The following KCTD14 variants were observed in gnomAD, a reference collection of about 807,000 sequenced individuals.
The protein encoded by KCTD14 is potassium channel tetramerization domain containing 14, also known as BTB/POZ domain-containing protein KCTD14.
A neutral mutation model predicts 5.9 loss-of-function variants in KCTD14; 7 were observed. The ratio of observed to expected loss-of-function variants is 1.19; its 90% confidence interval spans 0.68 to 2.23. The LOEUF is 2.23. KCTD14 is among the 30% of genes most tolerant of loss of function. The probability of loss-of-function intolerance (pLI) is 0.00; values close to 1 mark genes in which losing one functional copy is unlikely to be tolerated. For missense variants in KCTD14, 342 were observed against 332.2 expected (o/e 1.03, Z -0.23); for synonymous variants, 140 against 133.1 (o/e 1.05, Z -0.36).
At chr11:78,017,365 G>T (rs1591173383) in intron 1 of KCTD14, 95 bp from the exon 2 acceptor site, 1 of 1,439,204 alleles carries the variant, frequency 6.9e-7, no homozygotes, top group East Asian at 2.4e-5. Context: ...AAAACTTAGG[G>T]GAGCCATAAT....
chr11:78,023,964 AC>A (rs138972015), upstream of KCTD14, among the ~76,000 whole-genome samples: 2,448 of 152,230 alleles, frequency 0.016, 57 homozygotes, highest in African/African-American at 0.055. Flanking sequence ...GATCAACAAA[AC>A]TTTTTTAAGA....
At chr11:78,036,911 T>C (rs1857818293) in intron 2 of KCTD14, among the ~76,000 whole-genome samples, 1 of 152,224 alleles carries the variant, frequency 6.6e-6, no homozygotes, top group East Asian at 1.9e-4. Context: ...CATGTATTAA[T>C]TGCCTGCCCA....
intron 1 of KCTD14, among the ~76,000 whole-genome samples, chr11:78,020,758 G>A (rs1857284898): frequency 6.6e-6 from 1 of 152,206 alleles, no homozygotes; most frequent in Non-Finnish European, 1.5e-5. Flanking sequence ...GAGCTGAGAT[G>A]ATACCTGTAT....
At chr11:78,045,276 T>C (rs958212812) in intron 1 of KCTD14, among the ~76,000 whole-genome samples, 1 of 152,204 alleles carries the variant, frequency 6.6e-6, no homozygotes, top group African/African-American at 2.4e-5. Context: ...CTAATTTTTT[T>C]GTATTTTTTG....
rs376113147 is a variant in KCTD14, at chr11:78,017,143, G to A, written c.218C>T (p.Ala73Val). 63 of 1,614,126 alleles carry A rather than the reference G, an allele frequency of 3.9e-5. No homozygotes were observed. In the South Asian group the frequency reaches 4.2e-4, roughly 11 times the overall value. The change falls in exon 2 of 2, where the codon GCG becomes GTG. Residue 73 changes from alanine to valine, a missense_variant. By Grantham distance (64) the Ala-to-Val change is moderately conservative. Transcript: ENST00000353172. ...FSSLAKASTD[A>V]EGRFFIDRPS... The stretch of plus-strand genomic sequence containing the variant: ...GCGGTCGATGAAGAAGCGGCCCTCC[G>A]CGTCCGTGGAGGCCTTGGCTAAGCT...
chr11:78,022,898 A>C (rs1253050556), intron 1 of KCTD14: 3 of 471,586 alleles, frequency 6.4e-6, no homozygotes, highest in Non-Finnish European at 1.1e-5. Flanking sequence ...ATGTAGAGGG[A>C]GGAAGCAAAA....
Position 78,034,749 on chromosome 11 carries a change from G to A in KCTD14, c.-1+3915C>T, listed in dbSNP as rs192965316. Among the ~76,000 whole-genome samples the A allele has an allele frequency of 2.0e-4, 31 of 152,158 alleles. No individual in the cohort carries two copies. The East Asian group carries it at 5.8e-3, about 29-fold the overall frequency. On this transcript the variant is annotated intron_variant, in intron 2 of 2. Transcript: ENST00000533144. ...CCAAACAGACTATAGCCAAGCAGGG[G>A]ACCCTGCTCACCGCGGCCTCAGTGA...
chr11:78,043,236 A>G (rs960456629), intron 1 of KCTD14, among the ~76,000 whole-genome samples: 1 of 151,944 alleles, frequency 6.6e-6, no homozygotes, highest in African/African-American at 2.4e-5. Flanking sequence ...CATGTGTACT[A>G]TGTAGTAAGA....
At chr11:78,033,916 C>CATATATAT in intron 2 of KCTD14, among the ~76,000 whole-genome samples, 1 of 134,112 alleles carries the variant, frequency 7.5e-6, no homozygotes, top group South Asian at 2.4e-4. Flanking sequence ...TATATATATA[C>CATATATAT]ACACATTATA....
At chr11:78,023,588 C>T (rs949982121), upstream of KCTD14, 1 of 253,726 alleles carries the variant, frequency 3.9e-6, no homozygotes, top group Non-Finnish European at 7.6e-6. Flanking sequence ...ATCAGGCTCA[C>T]TGCAACCTCA....
chr11:78,038,337 C>T (rs761765735), intron 2 of KCTD14, among the ~76,000 whole-genome samples: 13 of 152,180 alleles, frequency 8.5e-5, no homozygotes, highest in Non-Finnish European at 1.6e-4. Context: ...CTATTCTTAC[C>T]CCAAACCTCT....
chr11:78,017,302 C>A, intron 1 of KCTD14, 32 bp from the exon 2 acceptor site: 1 of 1,548,438 alleles, frequency 6.5e-7, no homozygotes, highest in South Asian at 1.2e-5. Flanking sequence ...TAAACCAACA[C>A]GCCATCTCCC....
At chr11:78,023,536 A>C, upstream of KCTD14, 1 of 395,618 alleles carries the variant, frequency 2.5e-6, no homozygotes, top group Non-Finnish European at 4.6e-6. Flanking sequence ...TTTTTCAGAG[A>C]CAGGGTCTCA....
intron 1 of KCTD14, among the ~76,000 whole-genome samples, chr11:78,043,441 C>G (rs1226886462): frequency 6.6e-6 from 1 of 152,150 alleles, no homozygotes; most frequent in Non-Finnish European, 1.5e-5. Flanking sequence ...CTGCACCCAG[C>G]CTGTGTGTGC....
Position 78,017,235 on chromosome 11 carries a change from C to T in KCTD14, c.126G>A (p.Glu42=). ...STVVELNVGG[E]FHTTTLGTLR... ...GGGTACCCAGGGTGGTGGTGTGGAA[C>T]TCACCCCCGACGTTCAGCTCCACAA... is the stretch of plus-strand genomic sequence containing the variant. Residue 42 remains glutamate, a synonymous_variant, in exon 2 of 2, where the codon GAG becomes GAA. Coordinates refer to ENST00000353172, the MANE Select transcript of KCTD14 (RefSeq NM_023930.4). 2 of 1,607,256 alleles carry T rather than the reference C, an allele frequency of 1.2e-6. No homozygotes were observed. The highest frequency in any genetic ancestry group is 8.5e-7 in the Non-Finnish European group (1 of 1,174,644).
intron 1 of KCTD14, among the ~76,000 whole-genome samples, chr11:78,018,524 T>C (rs1857230639): frequency 6.6e-6 from 1 of 152,028 alleles, no homozygotes; most frequent in Admixed American, 6.6e-5. Flanking sequence ...CTGGCCAACA[T>C]GGTGAAACCC....
chr11:78,025,112 GTGTGTGTATATATA>G (rs1201574114), upstream of KCTD14, among the ~76,000 whole-genome samples: 92 of 68,628 alleles, frequency 1.3e-3, no homozygotes, highest in African/African-American at 4.9e-3. Flanking sequence ...GTGTGTGTGT[GTGTGTGTATATATA>G]TATATATATA....
chr11:78,044,747 A>C (rs1858088014), intron 1 of KCTD14, among the ~76,000 whole-genome samples: 1 of 152,136 alleles, frequency 6.6e-6, no homozygotes, highest in Non-Finnish European at 1.5e-5. Context: ...AGTTTATTAA[A>C]AAGTTTTAGA....
In KCTD14 at chr11:78,030,765, C is replaced by T. The variant is rs559631109; in HGVS notation, c.-1+7899G>A. On this transcript the variant is annotated intron_variant, in intron 2 of 2. Transcript: ENST00000533144. ...AGGCTGCTTGTGGCAGAGTGCCCAG[C>T]CTAGCCCAGCCCAGGCTTGGCAGCC... 3.4e-4 allele frequency among the ~76,000 whole-genome samples: 52 copies of T among 152,258 alleles called. No individual in the cohort carries two copies. In the Middle Eastern group the frequency reaches 0.01, roughly 30 times the overall value.
Sources: gnomAD v4.1 joint callset for allele counts (sites outside exome capture counted in the v4.1 genomes callset) on GRCh38, gnomAD v4.1.1 for gene constraint, MANE v1.5 for transcripts, NCBI Gene and HGNC (gene_info 2026-07-23, HGNC 2026-07-21) for gene names.